PTPRZ1: variants seen among roughly 807,000 people sequenced by gnomAD.
The protein encoded by PTPRZ1 is protein tyrosine phosphatase receptor type Z1.
Under a neutral mutation model 214.1 loss-of-function variants are expected in PTPRZ1, and 82 were observed. The ratio of observed to expected loss-of-function variants is 0.38; its 90% CI spans 0.32 to 0.46. The LOEUF is 0.46. Among genes scored for constraint, PTPRZ1 ranks in the 20% least tolerant of loss-of-function variants. The pLI is 1.00. For missense variants in PTPRZ1, 2,603 were observed against 2,748.7 expected (o/e 0.95, Z 1.19); for synonymous variants, 945 against 987.9 (o/e 0.96, Z 0.81).
chr7:121,882,197 G>A (rs1794261818), intron 1 of PTPRZ1, among the ~76,000 whole-genome samples: 1 of 152,060 alleles, frequency 6.6e-6, no homozygotes, highest in Admixed American at 6.6e-5. Context: ...ATCTTCCTTG[G>A]GATAAATATT....
At chr7:121,916,870 G>T (rs1037888753) in intron 1 of PTPRZ1, among the ~76,000 whole-genome samples, 1 of 152,176 alleles carries the variant, frequency 6.6e-6, no homozygotes, top group East Asian at 1.9e-4. Context: ...TCACTTTGGG[G>T]ATTCACAGAA....
chr7:121,899,072 T>C (rs1053254684), intron 1 of PTPRZ1, among the ~76,000 whole-genome samples: 1 of 152,228 alleles, frequency 6.6e-6, no homozygotes, highest in Non-Finnish European at 1.5e-5. Context: ...CTTTTCCATC[T>C]CTCAGCTGGT....
chr7:122,042,842 C>A, intron 22 of PTPRZ1, 99 bp downstream of exon 22: 2 of 1,297,904 alleles, frequency 1.5e-6, no homozygotes, highest in Non-Finnish European at 2.2e-6. Flanking sequence ...CAAAGTAATA[C>A]AAACTGGGTG....
chr7:121,903,544 C>T (rs1182504294), intron 1 of PTPRZ1, among the ~76,000 whole-genome samples: 2 of 152,136 alleles, frequency 1.3e-5, no homozygotes, highest in African/African-American at 4.8e-5. Flanking sequence ...CATTAAGGCA[C>T]ATCAAATCAA....
chr7:121,993,110 C>T (rs1386665326), intron 8 of PTPRZ1, among the ~76,000 whole-genome samples: 3 of 152,192 alleles, frequency 2.0e-5, no homozygotes, highest in Admixed American at 6.5e-5. Context: ...CAGTTTCGAA[C>T]TCCTCATGAT....
At chr7:121,935,185 C>G (rs2116399174) in intron 2 of PTPRZ1, among the ~76,000 whole-genome samples, 1 of 152,214 alleles carries the variant, frequency 6.6e-6, no homozygotes, top group East Asian at 1.9e-4. Flanking sequence ...TAAGATGTGG[C>G]TACAGAATAG....
At chr7:121,901,294 G>A (rs1794950283) in intron 1 of PTPRZ1, among the ~76,000 whole-genome samples, 5 of 152,158 alleles carry the variant, frequency 3.3e-5, no homozygotes, top group Admixed American at 3.3e-4. Flanking sequence ...AAATAGGGAT[G>A]AGGCAATGTT....
chr7:121,970,227 G>A (rs935935936), intron 3 of PTPRZ1, among the ~76,000 whole-genome samples: 17 of 152,124 alleles, frequency 1.1e-4, no homozygotes, highest in Non-Finnish European at 1.9e-4. Flanking sequence ...TTGGTTCCAA[G>A]TCTTTGCTAT....
chr7:121,990,120 A>G (rs754183598), intron 8 of PTPRZ1, among the ~76,000 whole-genome samples: 22 of 152,142 alleles, frequency 1.4e-4, no homozygotes, highest in African/African-American at 4.8e-4. Flanking sequence ...ATTTTTTGCC[A>G]TTATAAATAT....
chr7:121,996,115 G>A (rs1410474131), intron 8 of PTPRZ1, among the ~76,000 whole-genome samples: 2 of 152,120 alleles, frequency 1.3e-5, no homozygotes, highest in Admixed American at 6.5e-5. Flanking sequence ...CACTTCAGTA[G>A]AGATTAATGT....
At chr7:122,026,699 TTC>T (rs1451844914) in intron 13 of PTPRZ1, among the ~76,000 whole-genome samples, 1 of 152,234 alleles carries the variant, frequency 6.6e-6, no homozygotes, top group Non-Finnish European at 1.5e-5. Flanking sequence ...TTGAAGATAT[TTC>T]TGTGTTCTCT....
intron 13 of PTPRZ1, among the ~76,000 whole-genome samples, chr7:122,025,442 G>A (rs1799182564): frequency 6.7e-6 from 1 of 149,718 alleles, no homozygotes; most frequent in Non-Finnish European, 1.5e-5. Flanking sequence ...CAATTCTTCT[G>A]CCTCAGCCTC....
chr7:122,051,441 C>A lies in PTPRZ1; in HGVS notation c.6098C>A (p.Ser2033Ter). ...TTTCTTGCCCAGCTCCTGAGCCAGT[C>A]AAATATACAGCAGAGTGACTATTCT... ...LEKQFQLLSQ[S>*]NIQQSDYSAA... Residue 2033 changes from serine to a stop codon, truncating the protein, a stop_gained, in exon 24 of 30, where the codon TCA becomes TAA. Coordinates refer to ENST00000393386, the MANE Select transcript of PTPRZ1 (RefSeq NM_002851.3). LOFTEE classifies it high-confidence loss of function. 6.2e-7 allele frequency: 1 copy of A among 1,612,598 alleles called. No homozygotes were observed. The highest frequency in any genetic ancestry group is 1.1e-5 in the South Asian group (1 of 90,698).
At chr7:121,906,139 C>T (rs982619203) in intron 1 of PTPRZ1, among the ~76,000 whole-genome samples, 3 of 152,108 alleles carry the variant, frequency 2.0e-5, no homozygotes, top group Non-Finnish European at 4.4e-5. Flanking sequence ...GGTCTTAGAA[C>T]TTAGCCTAGT....
At chr7:121,978,238 T>A (rs1797500737) in intron 6 of PTPRZ1, among the ~76,000 whole-genome samples, 1 of 152,200 alleles carries the variant, frequency 6.6e-6, no homozygotes, top group African/African-American at 2.4e-5. Context: ...CTGCCTATAT[T>A]CTGGCTCTTA....
chr7:121,918,377 C>T (rs1173350175), intron 1 of PTPRZ1, among the ~76,000 whole-genome samples: 1 of 152,116 alleles, frequency 6.6e-6, no homozygotes, highest in Non-Finnish European at 1.5e-5. Flanking sequence ...TCATCATGGC[C>T]AATAAGATGA....
intron 10 of PTPRZ1, among the ~76,000 whole-genome samples, chr7:121,999,608 C>T (rs1215533769): frequency 6.6e-6 from 1 of 152,126 alleles, no homozygotes; most frequent in Non-Finnish European, 1.5e-5. Flanking sequence ...TAATTTCGTA[C>T]CTAAAACAAT....
At chr7:121,886,159 T>C (rs1794389376) in intron 1 of PTPRZ1, among the ~76,000 whole-genome samples, 2 of 152,140 alleles carry the variant, frequency 1.3e-5, no homozygotes, top group African/African-American at 2.4e-5. Context: ...AAGATTGATA[T>C]AGACTTTTTT....
chr7:121,897,361 T>C (rs1190021170), intron 1 of PTPRZ1, among the ~76,000 whole-genome samples: 1 of 152,136 alleles, frequency 6.6e-6, no homozygotes, highest in East Asian at 1.9e-4. Flanking sequence ...TCCTAAGAAC[T>C]AGTCTCTATG....
Sources: gnomAD v4.1 joint callset for allele counts (sites outside exome capture counted in the v4.1 genomes callset) on GRCh38, gnomAD v4.1.1 for gene constraint, MANE v1.5 for transcripts, NCBI Gene and HGNC (gene_info 2026-07-23, HGNC 2026-07-21) for gene names.